Variants in TNRC6C observed in about 807,000 individuals in gnomAD.
TNRC6C encodes the protein trinucleotide repeat containing adaptor 6C, also known as trinucleotide repeat-containing gene 6C protein.
In TNRC6C, 20 loss-of-function variants were observed where a neutral mutation model predicts 153.7. That is an observed-to-expected ratio of 0.13 (90% CI 0.09 to 0.19). The LOEUF is 0.19. Among genes scored for constraint, TNRC6C ranks in the 10% least tolerant of loss-of-function variants. TNRC6C has a pLI of 1.00. For synonymous variants in TNRC6C, 811 were observed against 841.4 expected (o/e 0.96, Z 0.63); for missense variants, 1,987 against 2,172.0 (o/e 0.91, Z 1.69).
At chr17:78,078,913 A>C (rs949799154) in intron 9 of TNRC6C, among the ~76,000 whole-genome samples, 7 of 152,202 alleles carry the variant, frequency 4.6e-5, no homozygotes, top group African/African-American at 9.6e-5. Context: ...CAACATGGTG[A>C]AACCCCGTCT....
At chr17:78,082,897 G>C (rs2073208726) in intron 10 of TNRC6C, 150 bp from the exon 13 acceptor site, 1 of 935,452 alleles carries the variant, frequency 1.1e-6, no homozygotes, top group Non-Finnish European at 1.6e-6. Context: ...CAATAATCAG[G>C]AGCATTTCAT....
At chr17:78,051,107 C>A in exon 3 of TNRC6C, 1 of 1,589,532 alleles carries the variant, frequency 6.3e-7, no homozygotes, top group Non-Finnish European at 8.6e-7. Context: ...TGGGGAGGAG[C>A]TGCTTCTGTG....
intron 1 of TNRC6C, among the ~76,000 whole-genome samples, chr17:78,028,394 G>A (rs1346969423): frequency 2.6e-5 from 4 of 152,154 alleles, no homozygotes; most frequent in South Asian, 2.1e-4. Context: ...CAGTGAGGGC[G>A]TTCTGAGGCC....
chr17:78,030,784 A>G (rs887208868), intron 1 of TNRC6C, among the ~76,000 whole-genome samples: 31 of 152,134 alleles, frequency 2.0e-4, no homozygotes, highest in Admixed American at 1.6e-3. Context: ...CAGCATCAAC[A>G]TTGTCCCAGT....
intron 5 of TNRC6C, 89 bp from the exon 8 acceptor site, chr17:78,070,996 G>A: frequency 4.0e-6 from 5 of 1,255,108 alleles, no homozygotes; most frequent in Non-Finnish European, 5.6e-6. Flanking sequence ...ACTTTTAAAT[G>A]ACCCTGAATT....
intron 2 of TNRC6C, among the ~76,000 whole-genome samples, chr17:78,039,799 G>A (rs769275548): frequency 1.3e-5 from 2 of 152,252 alleles, no homozygotes; most frequent in Non-Finnish European, 2.9e-5. Context: ...CCGAGAGGAG[G>A]AGGGCCTGTG....
chr17:78,013,297 C>G (rs2071668646), intron 1 of TNRC6C, among the ~76,000 whole-genome samples: 1 of 152,078 alleles, frequency 6.6e-6, no homozygotes. Context: ...ATCACTGAAC[C>G]TGCAGAATTG....
At chr17:77,973,117 G>A (rs1009250652) in intron 1 of TNRC6C, among the ~76,000 whole-genome samples, 3 of 152,120 alleles carry the variant, frequency 2.0e-5, no homozygotes, top group African/African-American at 7.2e-5. Flanking sequence ...ATGTTGGCCA[G>A]GCTGGTTTTG....
intron 2 of TNRC6C, among the ~76,000 whole-genome samples, chr17:78,043,721 C>T (rs549645952): frequency 6.6e-6 from 1 of 152,186 alleles, no homozygotes; most frequent in East Asian, 1.9e-4. Flanking sequence ...CCACTTCTCC[C>T]CACCCCTCAC....
intron 10 of TNRC6C, among the ~76,000 whole-genome samples, chr17:78,082,104 TGCA>T (rs1303274129): frequency 2.0e-5 from 3 of 150,990 alleles, no homozygotes; most frequent in African/African-American, 7.3e-5. Flanking sequence ...CAGCCTGCGG[TGCA>T]ACAGGGCTCT....
At chr17:78,001,538 A>G (rs192047983), upstream of TNRC6C, among the ~76,000 whole-genome samples, 3 of 152,356 alleles carry the variant, frequency 2.0e-5, no homozygotes, top group Non-Finnish European at 4.4e-5. Flanking sequence ...TTATGGAGCC[A>G]TTAGAAATAA....
At chr17:77,965,699 A>G (rs2070891485) in intron 1 of TNRC6C, among the ~76,000 whole-genome samples, 1 of 152,222 alleles carries the variant, frequency 6.6e-6, no homozygotes, top group Admixed American at 6.5e-5. Flanking sequence ...AAAAAGAGAG[A>G]AAGCAATACA....
intron 1 of TNRC6C, among the ~76,000 whole-genome samples, chr17:78,016,820 C>T (rs1213856435): frequency 1.3e-5 from 2 of 152,136 alleles, no homozygotes; most frequent in Non-Finnish European, 2.9e-5. Context: ...CCATTCTTTA[C>T]GTAGATTAGC....
chr17:78,010,812 A>T (rs370842014), intron 1 of TNRC6C, among the ~76,000 whole-genome samples: 1 of 152,376 alleles, frequency 6.6e-6, no homozygotes, highest in South Asian at 2.1e-4. Context: ...AAACAAAAAA[A>T]ATATTAAGAT....
At chr17:78,067,999 CAGACAAAAAGAT>C in intron 5 of TNRC6C, 76 bp downstream of exon 7, 1 of 1,498,264 alleles carries the variant, frequency 6.7e-7, no homozygotes, top group Admixed American at 2.3e-5. Context: ...TCCAGTTAAT[CAGACAAAAAGAT>C]AGACCTGAGG....
At chr17:78,030,740 A>G (rs969566492) in intron 1 of TNRC6C, among the ~76,000 whole-genome samples, 14 of 152,206 alleles carry the variant, frequency 9.2e-5, no homozygotes, top group African/African-American at 3.4e-4. Flanking sequence ...ATTGAACAAG[A>G]GCAGTGGTTC....
Position 78,049,468 on chromosome 17 carries a change from A to G in TNRC6C, c.406A>G (p.Asn136Asp). ...CAGTCCAGTCAGTGCCATAGGTCAA[A>G]ATATGGGCAACCAGAACGGGAACCC... Residue 136 changes from asparagine (N) to aspartate (D), a missense_variant, in exon 3 of 20, where the codon AAT becomes GAT. Coordinates refer to ENST00000301624, the Ensembl canonical transcript of TNRC6C. The surrounding 1 kb of genome is among the most constrained non-coding windows in gnomAD (Gnocchi z 4.1). The G allele has an allele frequency of 3.7e-6, 6 of 1,614,062 alleles. No homozygotes were observed. The highest frequency in any genetic ancestry group is 5.1e-6 in the Non-Finnish European group (6 of 1,179,892).
chr17:78,103,691 T>A, intron 19 of TNRC6C, 138 bp downstream of exon 22: 1 of 1,267,682 alleles, frequency 7.9e-7, no homozygotes, highest in Non-Finnish European at 1.1e-6. Flanking sequence ...TTCTGGAGGC[T>A]GGAAGTCTGA....
At chr17:77,991,398 A>G (rs912954992) in intron 1 of TNRC6C, among the ~76,000 whole-genome samples, 1 of 152,198 alleles carries the variant, frequency 6.6e-6, no homozygotes, top group Non-Finnish European at 1.5e-5. Context: ...CGTTCTCCCC[A>G]TATCTTCATT....
Sources: gnomAD v4.1 joint callset for allele counts (sites outside exome capture counted in the v4.1 genomes callset) on GRCh38, gnomAD v4.1.1 for gene constraint, Gnocchi (gnomAD v3.1) non-coding constraint, MANE v1.5 for transcripts, NCBI Gene and HGNC (gene_info 2026-07-23, HGNC 2026-07-21) for gene names.